Variants in JAZF1 observed in about 807,000 individuals in gnomAD.
The protein encoded by JAZF1 is JAZF zinc finger 1, also known as juxtaposed with another zinc finger protein 1.
A neutral mutation model predicts 26.4 loss-of-function variants in JAZF1; 8 were observed. The observed-to-expected ratio is 0.30, with a 90% CI of 0.18 to 0.55. The LOEUF is 0.55. Among genes scored for constraint, JAZF1 ranks in the 20% least tolerant of loss-of-function variants. The pLI is 0.94. For missense variants in JAZF1, 199 were observed against 322.0 expected, an observed-to-expected ratio of 0.62 and a Z score of 2.92; for synonymous variants, 126 against 122.3, an observed-to-expected ratio of 1.03 and a Z score of -0.20.
chr7:28,113,213 T>C (rs369789802), intron 1 of JAZF1, among the ~76,000 whole-genome samples: 3 of 152,176 alleles, frequency 2.0e-5, no homozygotes, highest in East Asian at 1.9e-4. Flanking sequence ...TGTTGCTTTA[T>C]GGCGACAGAC....
At chr7:27,873,053 GC>G (rs1010806130) in intron 3 of JAZF1, among the ~76,000 whole-genome samples, 1 of 152,120 alleles carries the variant, frequency 6.6e-6, no homozygotes, top group African/African-American at 2.4e-5. Context: ...CTTATATTAA[GC>G]GACGGGGTAG....
chr7:28,004,715 T>C (rs922043659), intron 1 of JAZF1, among the ~76,000 whole-genome samples: 1 of 152,204 alleles, frequency 6.6e-6, no homozygotes, highest in Non-Finnish European at 1.5e-5. Context: ...TGCAGTGGCA[T>C]GATCTCAGCT....
intron 3 of JAZF1, among the ~76,000 whole-genome samples, chr7:27,854,593 C>T (rs530746550): frequency 6.6e-6 from 1 of 152,242 alleles, no homozygotes; most frequent in Admixed American, 6.5e-5. Flanking sequence ...GCATTTGCTT[C>T]TCTGTAAAGG....
chr7:27,938,811 T>C (rs986307689), intron 2 of JAZF1, among the ~76,000 whole-genome samples: 1 of 151,910 alleles, frequency 6.6e-6, no homozygotes, highest in Non-Finnish European at 1.5e-5. Context: ...AGCTATTTTT[T>C]TTTTTTTTTT....
At chr7:27,903,865 A>T (rs1427084212) in intron 2 of JAZF1, among the ~76,000 whole-genome samples, 1 of 152,202 alleles carries the variant, frequency 6.6e-6, no homozygotes, top group Non-Finnish European at 1.5e-5. Flanking sequence ...ACTATGCTTC[A>T]TTTGAAGTTC....
At chr7:28,100,443 C>A (rs111650169) in intron 1 of JAZF1, among the ~76,000 whole-genome samples, 1 of 151,804 alleles carries the variant, frequency 6.6e-6, no homozygotes, top group Non-Finnish European at 1.5e-5. Flanking sequence ...ATAATAATAA[C>A]AAGATATAAT....
intron 1 of JAZF1, among the ~76,000 whole-genome samples, chr7:28,052,337 C>T (rs1185653930): frequency 1.3e-5 from 2 of 152,178 alleles, no homozygotes; most frequent in East Asian, 3.8e-4. Context: ...AATTACATAG[C>T]TTTTTGTCTC....
In JAZF1 at chr7:28,175,408, T is replaced by C. The variant is rs369430193; in HGVS notation, c.115+5055A>G. 2.0e-4 allele frequency among the ~76,000 whole-genome samples: 30 copies of C among 152,332 alleles called. 2 individuals carry two copies. The South Asian group carries it at 6.2e-3, about 32-fold the overall frequency. On this transcript the variant is annotated intron_variant, in intron 1 of 4. Coordinates refer to ENST00000283928, the MANE Select transcript of JAZF1 (RefSeq NM_175061.4). ...TAGGATTACATATTTATTTAGCAGA[T>C]ACACAAATGGCAAGAAACTAGATGA... is the stretch of plus-strand genomic sequence containing the variant.
chr7:28,075,905 G>A (rs1277622754), intron 1 of JAZF1, among the ~76,000 whole-genome samples: 1 of 152,142 alleles, frequency 6.6e-6, no homozygotes, highest in Non-Finnish European at 1.5e-5. Flanking sequence ...ACATCATAAT[G>A]GGAGAGACAA....
intron 1 of JAZF1, among the ~76,000 whole-genome samples, chr7:28,001,392 A>T (rs1335297951): frequency 1.3e-5 from 2 of 151,740 alleles, no homozygotes; most frequent in Non-Finnish European, 2.9e-5. Context: ...AAAAACCTAA[A>T]CAAAAAAAAC....
intron 3 of JAZF1, among the ~76,000 whole-genome samples, chr7:27,868,299 A>T (rs1783516031): frequency 6.6e-6 from 1 of 152,170 alleles, no homozygotes; most frequent in African/African-American, 2.4e-5. Context: ...ACGGGTGACC[A>T]ATTTCTCCTG....
chr7:28,048,089 G>T (rs1172253731), intron 1 of JAZF1, among the ~76,000 whole-genome samples: 2 of 152,152 alleles, frequency 1.3e-5, no homozygotes, highest in African/African-American at 2.4e-5. Context: ...TGGTTAGAAT[G>T]AACGGTGCAT....
chr7:28,113,694 T>C (rs1368655321), intron 1 of JAZF1, among the ~76,000 whole-genome samples: 1 of 152,210 alleles, frequency 6.6e-6, no homozygotes, highest in East Asian at 1.9e-4. Flanking sequence ...GTGAAGTAGC[T>C]TGCGAAGTCC....
At chr7:27,937,274 A>G (rs1784775768) in intron 2 of JAZF1, among the ~76,000 whole-genome samples, 1 of 152,188 alleles carries the variant, frequency 6.6e-6, no homozygotes, top group Non-Finnish European at 1.5e-5. Flanking sequence ...AGCCTAACTC[A>G]TATACAGGGT....
chr7:27,942,740 T>C (rs372292525), intron 2 of JAZF1, among the ~76,000 whole-genome samples: 1 of 152,216 alleles, frequency 6.6e-6, no homozygotes, highest in East Asian at 1.9e-4. Flanking sequence ...GACAGGGTGA[T>C]ACCGGCCTGA....
intron 2 of JAZF1, among the ~76,000 whole-genome samples, chr7:27,947,590 C>T (rs1306398683): frequency 6.6e-6 from 1 of 152,114 alleles, no homozygotes; most frequent in Non-Finnish European, 1.5e-5. Context: ...AATTTTTTCC[C>T]CTTTGATCCA....
chr7:27,834,343 T>G (rs1299022647), intron 4 of JAZF1, among the ~76,000 whole-genome samples: 1 of 152,312 alleles, frequency 6.6e-6, no homozygotes, highest in South Asian at 2.1e-4. Context: ...GCAGTACACA[T>G]GAATGCTTTT....
intron 3 of JAZF1, among the ~76,000 whole-genome samples, chr7:27,865,088 G>T (rs1368955271): frequency 6.6e-6 from 1 of 152,162 alleles, no homozygotes; most frequent in African/African-American, 2.4e-5. Flanking sequence ...GTGTTCATGG[G>T]CTGGGCACAG....
At chr7:28,000,098 G>C (rs760350338) in intron 1 of JAZF1, among the ~76,000 whole-genome samples, 6 of 152,182 alleles carry the variant, frequency 3.9e-5, no homozygotes, top group Non-Finnish European at 7.3e-5. Flanking sequence ...GAGGTCTGTG[G>C]ATACTGTAGA....
Sources: gnomAD v4.1 joint callset for allele counts (sites outside exome capture counted in the v4.1 genomes callset) on GRCh38, gnomAD v4.1.1 for gene constraint, MANE v1.5 for transcripts, NCBI Gene and HGNC (gene_info 2026-07-23, HGNC 2026-07-21) for gene names.